SH3GL3: variants seen among roughly 807,000 people sequenced by gnomAD.
SH3GL3 encodes the protein SH3 domain containing GRB2 like 3, endophilin A3, also known as endophilin-A3.
In SH3GL3, 33 loss-of-function variants were observed where a neutral mutation model predicts 47.7. That is an observed-to-expected ratio of 0.69 (90% confidence interval 0.52 to 0.92). The LOEUF is 0.92. Among genes scored for constraint, SH3GL3 ranks in the 40% least tolerant of loss-of-function variants. The probability of loss-of-function intolerance (pLI) is 0.00; values close to 1 mark genes in which losing one functional copy is unlikely to be tolerated. For synonymous variants in SH3GL3, 155 were observed against 148.8 expected (o/e 1.04, Z -0.30); for missense variants, 363 against 417.8 (o/e 0.87, Z 1.14).
chr15:83,541,753 G>T (rs2044177174), intron 1 of SH3GL3, among the ~76,000 whole-genome samples: 1 of 152,070 alleles, frequency 6.6e-6, no homozygotes, highest in South Asian at 2.1e-4. Context: ...CTAGCCATTT[G>T]TATGCCTTCT....
intron 1 of SH3GL3, among the ~76,000 whole-genome samples, chr15:83,516,688 A>G (rs1315378252): frequency 6.6e-6 from 1 of 152,126 alleles, no homozygotes; most frequent in Non-Finnish European, 1.5e-5. Context: ...CCAAGACAGC[A>G]CCAAGTCATG....
At chr15:83,600,920 G>C (rs1356406760) in intron 8 of SH3GL3, among the ~76,000 whole-genome samples, 1 of 152,038 alleles carries the variant, frequency 6.6e-6, no homozygotes, top group Non-Finnish European at 1.5e-5. Flanking sequence ...TTTTTGGTTA[G>C]GTATATTTCT....
chr15:83,622,879 C>T (rs1338212484), downstream of SH3GL3, among the ~76,000 whole-genome samples: 1 of 152,256 alleles, frequency 6.6e-6, no homozygotes, highest in African/African-American at 2.4e-5. Flanking sequence ...CCTCCTCTCC[C>T]TTCTGTTGGG....
intron 1 of SH3GL3, among the ~76,000 whole-genome samples, chr15:83,516,850 A>G (rs1382569587): frequency 6.6e-6 from 1 of 152,078 alleles, no homozygotes; most frequent in Non-Finnish European, 1.5e-5. Context: ...CCTATTTTTG[A>G]ACTTCTAAAA....
chr15:83,509,991 G>A (rs939430890), intron 1 of SH3GL3, among the ~76,000 whole-genome samples: 1 of 152,126 alleles, frequency 6.6e-6, no homozygotes, highest in African/African-American at 2.4e-5. Context: ...AGCATGCCCA[G>A]TGCTAGATTC....
intron 1 of SH3GL3, among the ~76,000 whole-genome samples, chr15:83,489,595 A>C (rs1160198765): frequency 1.3e-5 from 2 of 152,214 alleles, no homozygotes; most frequent in Non-Finnish European, 2.9e-5. Flanking sequence ...TTTCGTATTA[A>C]ATAGTCCAGT....
At chr15:83,604,210 A>G (rs2060460492) in intron 8 of SH3GL3, among the ~76,000 whole-genome samples, 1 of 152,096 alleles carries the variant, frequency 6.6e-6, no homozygotes, top group South Asian at 2.1e-4. Context: ...AGTGAGTTCA[A>G]CCTCAGCCTC....
chr15:83,501,325 A>G (rs1375475353), intron 1 of SH3GL3, among the ~76,000 whole-genome samples: 1 of 152,196 alleles, frequency 6.6e-6, no homozygotes, highest in East Asian at 1.9e-4. Flanking sequence ...CATAAGCTGA[A>G]CTTTAATTTT....
chr15:83,605,550 T>TTTTTTTTTTTTTTTTTTTGAGACGG (rs1567032314), intron 8 of SH3GL3, among the ~76,000 whole-genome samples: 1 of 151,786 alleles, frequency 6.6e-6, no homozygotes, highest in African/African-American at 2.4e-5. Flanking sequence ...TTCTTCTTTC[T>TTTTTTTTTTTTTTTTTTTGAGACGG]AAAGAAAAAA....
At chr15:83,584,213 G>A (rs910361627) in intron 6 of SH3GL3, among the ~76,000 whole-genome samples, 17 of 151,988 alleles carry the variant, frequency 1.1e-4, no homozygotes, top group African/African-American at 3.6e-4. Context: ...CACAGCCAGC[G>A]GCACAGCATC....
intron 1 of SH3GL3, among the ~76,000 whole-genome samples, chr15:83,471,445 A>G (rs928881671): frequency 3.3e-5 from 5 of 152,252 alleles, no homozygotes; most frequent in African/African-American, 1.2e-4. Context: ...AAGCTAACTT[A>G]GAACTATAAC....
rs373240676 is a variant in SH3GL3, at chr15:83,554,019, C to CTT, written c.46-5217_46-5216dup. Among the ~76,000 whole-genome samples, 478 of 129,428 alleles carry CTT rather than the reference C, an allele frequency of 3.7e-3. 9 individuals are homozygous for CTT. The highest frequency in any genetic ancestry group is 9.9e-3 in the African/African-American group (350 of 35,178). The allele number at this position is 129,428 out of a possible 152,430, so 84.9% of individuals were successfully genotyped here. On this transcript the variant is annotated intron_variant, in intron 1 of 8. Transcript: ENST00000427482. Reference sequence around the variant, plus strand: ...ATGTCTTTATTTTCTTTCTCTCGCTCTTTTTTTTTTTTTTTTTTGAGACAG... The same window carrying CTT: ...ATGTCTTTATTTTCTTTCTCTCGCTCTTTTTTTTTTTTTTTTTTTTGAGACAG...
chr15:83,495,259 G>C (rs1021433176), intron 1 of SH3GL3, among the ~76,000 whole-genome samples: 1 of 152,122 alleles, frequency 6.6e-6, no homozygotes, highest in East Asian at 1.9e-4. Context: ...GAACCTTCTT[G>C]TTGACTCAGG....
chr15:83,546,069 T>C (rs760660723), intron 1 of SH3GL3, among the ~76,000 whole-genome samples: 1 of 152,108 alleles, frequency 6.6e-6, no homozygotes, highest in Non-Finnish European at 1.5e-5. Flanking sequence ...AAGGACTCTT[T>C]AGTCAGCAGA....
chr15:83,491,913 T>A (rs1567268134), intron 1 of SH3GL3, among the ~76,000 whole-genome samples: 1 of 152,160 alleles, frequency 6.6e-6, no homozygotes, highest in Non-Finnish European at 1.5e-5. Flanking sequence ...TATGTGGTGG[T>A]ATAGGAAGGA....
intron 8 of SH3GL3, among the ~76,000 whole-genome samples, chr15:83,598,666 C>T (rs1429404458): frequency 6.6e-6 from 1 of 152,186 alleles, no homozygotes; most frequent in Non-Finnish European, 1.5e-5. Context: ...AGAATCTTGA[C>T]TCATATGATG....
intron 1 of SH3GL3, among the ~76,000 whole-genome samples, chr15:83,527,154 G>A (rs1488332488): frequency 6.6e-6 from 1 of 152,106 alleles, no homozygotes; most frequent in Non-Finnish European, 1.5e-5. Flanking sequence ...CATCTGTAAA[G>A]AGAAACAGTT....
chr15:83,466,312 G>T (rs1225734533), intron 1 of SH3GL3, among the ~76,000 whole-genome samples: 1 of 152,048 alleles, frequency 6.6e-6, no homozygotes, highest in Non-Finnish European at 1.5e-5. Flanking sequence ...CCAGTTTGGG[G>T]TTATTATGAA....
rs571037804 is a variant in SH3GL3 at position 83,554,375 on chromosome 15, C to T, written c.46-4878C>T. Among the ~76,000 whole-genome samples the T allele has an allele frequency of 3.3e-4, 50 of 152,090 alleles. No homozygotes were observed. The South Asian group carries it at 4.4e-3, about 13-fold the overall frequency. ...GCTAATTTTGTGTTTTTAGTAGAGA[C>T]GGGGTTTCTCCATGTTGGACAGGCT... On this transcript the variant is annotated intron_variant, in intron 1 of 8. Transcript: ENST00000427482.
Sources: allele counts gnomAD v4.1 joint callset (sites outside exome capture counted in the v4.1 genomes callset), GRCh38; gene constraint gnomAD v4.1.1; transcripts MANE v1.5; gene names NCBI Gene and HGNC (gene_info 2026-07-23, HGNC 2026-07-21).